The following SDK2 variants were observed in gnomAD, a reference collection of about 807,000 sequenced individuals.
The protein encoded by SDK2 is protein sidekick-2.
Under a neutral mutation model 253.9 loss-of-function variants are expected in SDK2, and 105 were observed. That is an observed-to-expected ratio of 0.41 (90% CI 0.35 to 0.49). The LOEUF is 0.49. Among genes scored for constraint, SDK2 ranks in the 20% least tolerant of loss-of-function variants. The probability of loss-of-function intolerance (pLI) is 0.06; values close to 1 mark genes in which losing one functional copy is unlikely to be tolerated. For synonymous variants in SDK2, 1,249 were observed against 1,234.9 expected (o/e 1.01, Z -0.24); for missense variants, 2,608 against 3,003.0 (o/e 0.87, Z 3.07).
chr17:73,536,685 G>T (rs1027260833), intron 1 of SDK2, among the ~76,000 whole-genome samples: 1 of 152,228 alleles, frequency 6.6e-6, no homozygotes, highest in Non-Finnish European at 1.5e-5. Flanking sequence ...CTTCTCCAAG[G>T]TTCCATGTGC....
In SDK2 at chr17:73,496,196, G is replaced by T. The variant is rs942345995; in HGVS notation, c.224+11242C>A. Among the ~76,000 whole-genome samples, 1 of 152,154 alleles carries T rather than the reference G, an allele frequency of 6.6e-6. No individual in the cohort carries two copies. The highest frequency in any genetic ancestry group is 1.5e-5 in the Non-Finnish European group (1 of 68,026). ...CCTTTCCATTGATGGAGCCATCTGT[G>T]ACCAGACACTCTTCTGCACGCTTCA... On this transcript the variant is annotated intron_variant, in intron 2 of 44. Transcript: ENST00000392650. The surrounding 1 kb of genome is among the most constrained non-coding windows in gnomAD (Gnocchi z 4.7).
Position 73,396,130 on chromosome 17 carries a change from C to T in SDK2, c.3355-738G>A, listed in dbSNP as rs117599803. 3.3e-3 allele frequency among the ~76,000 whole-genome samples: 499 copies of T among 152,276 alleles called. 15 individuals are homozygous for T. In the East Asian group the frequency reaches 0.054, roughly 17 times the overall value. ...CTCAGCTCAAGTCATCTGCTCGCCT[C>T]GGCCTCCCAAAGTGCTGGGATTACA... On this transcript the variant is annotated intron_variant, in intron 24 of 44. Transcript: ENST00000392650.
chr17:73,492,021 T>C (rs185344012), intron 2 of SDK2, among the ~76,000 whole-genome samples: 1 of 152,240 alleles, frequency 6.6e-6, no homozygotes, highest in African/African-American at 2.4e-5. Flanking sequence ...TCGCTTTCAT[T>C]GACAGAATGT....
intron 3 of SDK2, among the ~76,000 whole-genome samples, chr17:73,466,253 A>G (rs2063596448): frequency 6.6e-6 from 1 of 151,982 alleles, no homozygotes; most frequent in South Asian, 2.1e-4. Flanking sequence ...CTTCCAGGAC[A>G]CCTTTCCTGG....
At chr17:73,507,332 G>T (rs1042441620) in intron 2 of SDK2, 106 bp downstream of exon 2, 7 of 1,222,544 alleles carry the variant, frequency 5.7e-6, no homozygotes, top group East Asian at 2.6e-5. Context: ...GGCTCTAGGA[G>T]CCCTGAGCCC....
intron 1 of SDK2, among the ~76,000 whole-genome samples, chr17:73,574,385 A>G (rs2045428535): frequency 6.7e-6 from 1 of 150,234 alleles, no homozygotes; most frequent in Non-Finnish European, 1.5e-5. Flanking sequence ...AGAACATCAG[A>G]TCCAACCCTG....
At chr17:73,372,136 G>A (rs2062738955) in intron 36 of SDK2, among the ~76,000 whole-genome samples, 3 of 152,208 alleles carry the variant, frequency 2.0e-5, no homozygotes, top group Non-Finnish European at 4.4e-5. Context: ...AGGGACAGCT[G>A]TCTTCACAAA....
chr17:73,611,607 G>A (rs1033582478), intron 1 of SDK2, among the ~76,000 whole-genome samples: 1 of 152,370 alleles, frequency 6.6e-6, no homozygotes, highest in Non-Finnish European at 1.5e-5. Context: ...GCCTGAGTTT[G>A]AGCCTGTGAC....
At chr17:73,607,563 C>T (rs549913903) in intron 1 of SDK2, among the ~76,000 whole-genome samples, 8 of 152,172 alleles carry the variant, frequency 5.3e-5, no homozygotes, top group South Asian at 4.2e-4. Flanking sequence ...GAGTAGGCTA[C>T]GGTGTTCAGT....
intron 2 of SDK2, among the ~76,000 whole-genome samples, chr17:73,488,896 A>G (rs1456502683): frequency 6.6e-6 from 1 of 152,026 alleles, no homozygotes; most frequent in Non-Finnish European, 1.5e-5. Flanking sequence ...TTGGCATAGC[A>G]TGGTGATTTC....
intron 1 of SDK2, among the ~76,000 whole-genome samples, chr17:73,523,521 C>A (rs1382057814): frequency 2.6e-5 from 4 of 151,724 alleles, no homozygotes; most frequent in Non-Finnish European, 4.4e-5. Flanking sequence ...AAGATGGCCA[C>A]GTGAAGACAG....
chr17:73,343,186 T>C (rs1007776186), intron 44 of SDK2, among the ~76,000 whole-genome samples: 31 of 152,198 alleles, frequency 2.0e-4, no homozygotes, highest in African/African-American at 7.5e-4. Flanking sequence ...ATCTGCAGAA[T>C]GCCTACTGAT....
intron 1 of SDK2, among the ~76,000 whole-genome samples, chr17:73,553,899 C>G (rs2045103327): frequency 6.6e-6 from 1 of 152,134 alleles, no homozygotes; most frequent in Admixed American, 6.5e-5. Flanking sequence ...CAGAAGACCT[C>G]TTCAAGGGGA....
intron 2 of SDK2, among the ~76,000 whole-genome samples, chr17:73,503,027 G>A (rs1164771726): frequency 6.6e-6 from 1 of 152,182 alleles, no homozygotes; most frequent in African/African-American, 2.4e-5. Flanking sequence ...GTTTAATCAT[G>A]AGGATATAAC....
At position 73,643,661 on chromosome 17, in the gene SDK2, C is replaced by T. The variant is rs950897795; in HGVS notation, c.64+364G>A. Among the ~76,000 whole-genome samples, 5 of 152,124 alleles carry T rather than the reference C, an allele frequency of 3.3e-5. No individual in the cohort carries two copies. The highest frequency in any genetic ancestry group is 7.2e-5 in the African/African-American group (3 of 41,444). ...GGAACCAGGAGCTCGGTCTGGGAAG[C>T]TCAGCGTAGCCGAGCGTGGAGCCCG... On this transcript the variant is annotated intron_variant, in intron 1 of 44. Coordinates refer to ENST00000392650, the MANE Select transcript of SDK2 (RefSeq NM_001144952.2). This position sits in a 1 kb window ranked among gnomAD's most constrained non-coding sequence, Gnocchi z 6.9.
chr17:73,392,997 C>T (rs2062940408), intron 27 of SDK2, among the ~76,000 whole-genome samples: 1 of 152,078 alleles, frequency 6.6e-6, no homozygotes, highest in African/African-American at 2.4e-5. Flanking sequence ...GTAATTGCAG[C>T]ATGTTGGGAG....
chr17:73,587,545 C>T (rs990243250), intron 1 of SDK2, among the ~76,000 whole-genome samples: 1 of 152,210 alleles, frequency 6.6e-6, no homozygotes, highest in African/African-American at 2.4e-5. Context: ...GTTACTGGGG[C>T]GTGACTCATG....
intron 1 of SDK2, among the ~76,000 whole-genome samples, chr17:73,584,381 A>G (rs764372489): frequency 2.0e-5 from 3 of 152,198 alleles, no homozygotes; most frequent in Non-Finnish European, 2.9e-5. Context: ...CTGTCGGTAG[A>G]AAAGGGCTGG....
intron 5 of SDK2, among the ~76,000 whole-genome samples, chr17:73,442,162 G>A (rs1272386050): frequency 6.6e-6 from 1 of 152,198 alleles, no homozygotes; most frequent in Non-Finnish European, 1.5e-5. Context: ...GCCAGAGCTG[G>A]CTCTCTCTCC....
Sources: allele counts gnomAD v4.1 joint callset (sites outside exome capture counted in the v4.1 genomes callset), GRCh38; gene constraint gnomAD v4.1.1; non-coding constraint Gnocchi (gnomAD v3.1); transcripts MANE v1.5; gene names NCBI Gene and HGNC (gene_info 2026-07-23, HGNC 2026-07-21).